SKAP1: variants seen among roughly 807,000 people sequenced by gnomAD.
SKAP1 encodes the protein src kinase associated phosphoprotein 1.
SKAP1 carries 44 observed loss-of-function variants against 58.5 expected under a neutral mutation model. The observed-to-expected ratio is 0.75, with a 90% CI of 0.59 to 0.97. The LOEUF (loss-of-function observed/expected upper bound fraction) is 0.97. Among genes scored for constraint, SKAP1 ranks in the 50% least tolerant of loss-of-function variants. SKAP1 has a pLI of 0.00. For missense variants in SKAP1, 390 were observed against 435.2 expected, an observed-to-expected ratio of 0.90 and a Z score of 0.92; for synonymous variants, 127 against 149.7, an observed-to-expected ratio of 0.85 and a Z score of 1.11.
At chr17:48,390,536 A>G (rs2067331883) in intron 2 of SKAP1, among the ~76,000 whole-genome samples, 1 of 152,230 alleles carries the variant, frequency 6.6e-6, no homozygotes, top group African/African-American at 2.4e-5. Context: ...GAATGTGCCC[A>G]AGTGATAACG....
intron 12 of SKAP1, chr17:48,136,675 ATTT>A (rs34752231): frequency 0.016 from 2,258 of 139,568 alleles, 16 homozygotes; most frequent in Non-Finnish European, 0.025. Flanking sequence ...TTCTGTGTTA[ATTT>A]TTTTTTTTTT....
At chr17:48,137,973 T>C (rs915953570) in intron 11 of SKAP1, among the ~76,000 whole-genome samples, 1 of 152,208 alleles carries the variant, frequency 6.6e-6, no homozygotes, top group African/African-American at 2.4e-5. Flanking sequence ...TAAAAACAAC[T>C]GAAAGTGTTT....
At chr17:48,429,311 A>G (rs1598694556) in intron 1 of SKAP1, among the ~76,000 whole-genome samples, 1 of 152,192 alleles carries the variant, frequency 6.6e-6, no homozygotes, top group Non-Finnish European at 1.5e-5. Context: ...CCCGTTAGCA[A>G]CGTCTCTTTG....
intron 3 of SKAP1, among the ~76,000 whole-genome samples, chr17:48,348,814 G>C (rs547640903): frequency 6.6e-6 from 1 of 152,304 alleles, no homozygotes; most frequent in East Asian, 1.9e-4. Context: ...TCTGAGTATA[G>C]TCACCCAAGG....
chr17:48,134,904 A>G (rs2063680934), intron 12 of SKAP1, among the ~76,000 whole-genome samples: 1 of 151,996 alleles, frequency 6.6e-6, no homozygotes, highest in Non-Finnish European at 1.5e-5. Flanking sequence ...GGGTTTCACC[A>G]TGTTGGTGAG....
chr17:48,265,185 G>A (rs1268222038), intron 4 of SKAP1, among the ~76,000 whole-genome samples: 2 of 152,070 alleles, frequency 1.3e-5, no homozygotes, highest in African/African-American at 2.4e-5. Context: ...AGCTCCAAAG[G>A]CTCTAAATCT....
At chr17:48,335,164 G>T (rs999189439) in intron 4 of SKAP1, among the ~76,000 whole-genome samples, 2 of 151,590 alleles carry the variant, frequency 1.3e-5, no homozygotes, top group Non-Finnish European at 3.0e-5. Context: ...AAAAATCATG[G>T]TCTCAAATTT....
intron 1 of SKAP1, among the ~76,000 whole-genome samples, chr17:48,408,552 A>G (rs1325365879): frequency 6.6e-6 from 1 of 152,200 alleles, no homozygotes; most frequent in African/African-American, 2.4e-5. Context: ...TATATAAAAT[A>G]CTAGTAAATC....
chr17:48,171,386 G>A (rs573491238), intron 9 of SKAP1, among the ~76,000 whole-genome samples: 15 of 152,084 alleles, frequency 9.9e-5, no homozygotes, highest in African/African-American at 3.1e-4. Flanking sequence ...GATTACAGGC[G>A]TGAGCCACCG....
At chr17:48,237,199 CAT>C (rs2065191276) in intron 4 of SKAP1, among the ~76,000 whole-genome samples, 1 of 152,096 alleles carries the variant, frequency 6.6e-6, no homozygotes, top group South Asian at 2.1e-4. Flanking sequence ...AAGAGAATGT[CAT>C]AAAGATTTTC....
the SKAP1 span, among the ~76,000 whole-genome samples, chr17:48,444,455 T>G: frequency 6.6e-6 from 1 of 152,228 alleles, no homozygotes; most frequent in Admixed American, 6.5e-5. Context: ...GCACATGAAC[T>G]TTAATTCAAA....
intron 4 of SKAP1, among the ~76,000 whole-genome samples, chr17:48,212,364 C>T (rs2064884211): frequency 6.6e-6 from 1 of 152,162 alleles, no homozygotes; most frequent in South Asian, 2.1e-4. Context: ...TTCAAAAGTC[C>T]ACCTCTTGCC....
chr17:48,212,064 G>A (rs1428275348), intron 4 of SKAP1, among the ~76,000 whole-genome samples: 1 of 151,252 alleles, frequency 6.6e-6, no homozygotes, highest in African/African-American at 2.4e-5. Context: ...CTAGCTAGCA[G>A]TCTCAGCTAC....
At chr17:48,152,922 C>T (rs1229148246) in intron 11 of SKAP1, among the ~76,000 whole-genome samples, 1 of 152,142 alleles carries the variant, frequency 6.6e-6, no homozygotes, top group East Asian at 1.9e-4. Flanking sequence ...ATTAACCTAA[C>T]CCGGCCGTGG....
chr17:48,263,720 G>C (rs2065508437), intron 4 of SKAP1, among the ~76,000 whole-genome samples: 1 of 152,194 alleles, frequency 6.6e-6, no homozygotes, highest in Non-Finnish European at 1.5e-5. Context: ...GGATACAGAA[G>C]CAACAAGAGG....
chr17:48,181,460 C>A (rs146655065), intron 8 of SKAP1, among the ~76,000 whole-genome samples: 1 of 152,140 alleles, frequency 6.6e-6, no homozygotes, highest in East Asian at 1.9e-4. Context: ...GTCTATTATA[C>A]GTGACGCTGT....
intron 4 of SKAP1, among the ~76,000 whole-genome samples, chr17:48,233,949 T>C (rs1306806614): frequency 1.3e-5 from 2 of 152,082 alleles, no homozygotes; most frequent in Non-Finnish European, 2.9e-5. Context: ...GAGTTCCAAG[T>C]TGTTTGAGTG....
chr17:48,206,280 G>A (rs545546916), intron 4 of SKAP1, among the ~76,000 whole-genome samples: 1 of 152,226 alleles, frequency 6.6e-6, no homozygotes, highest in South Asian at 2.1e-4. Flanking sequence ...ATATAACAAA[G>A]GATATAGGTA....
At chr17:48,427,792 C>G (rs1261303648) in intron 1 of SKAP1, among the ~76,000 whole-genome samples, 1 of 151,816 alleles carries the variant, frequency 6.6e-6, no homozygotes, top group Non-Finnish European at 1.5e-5. Flanking sequence ...AACCCCACCC[C>G]CACAGCCATG....
Sources: allele counts gnomAD v4.1 joint callset (sites outside exome capture counted in the v4.1 genomes callset), GRCh38; gene constraint gnomAD v4.1.1; transcripts MANE v1.5; gene names NCBI Gene and HGNC (gene_info 2026-07-23, HGNC 2026-07-21).